Variants in ATXN7L1 observed in about 807,000 individuals in gnomAD.
ATXN7L1 encodes the protein ataxin-7-like protein 1.
Under a neutral mutation model 70.8 loss-of-function variants are expected in ATXN7L1, and 15 were observed. That is an observed-to-expected ratio of 0.21 (90% CI 0.14 to 0.33). The LOEUF (loss-of-function observed/expected upper bound fraction) is 0.33, where lower values mean the gene tolerates loss of function less well. ATXN7L1 is among the 10% of genes least tolerant of loss of function. ATXN7L1 has a pLI of 1.00. For missense variants in ATXN7L1, 975 were observed against 1,097.1 expected (o/e 0.89, Z 1.57); for synonymous variants, 440 against 445.1 (o/e 0.99, Z 0.14).
chr7:105,704,783 G>A (rs376809183), intron 3 of ATXN7L1, among the ~76,000 whole-genome samples: 4 of 151,520 alleles, frequency 2.6e-5, no homozygotes, highest in African/African-American at 9.7e-5. Context: ...GCTAATTTTT[G>A]TATTTTTAGT....
intron 2 of ATXN7L1, among the ~76,000 whole-genome samples, chr7:105,794,073 C>T (rs1805651017): frequency 6.7e-6 from 1 of 149,864 alleles, no homozygotes; most frequent in Non-Finnish European, 1.5e-5. Flanking sequence ...TTGTTCTATT[C>T]ATTTCTTCTT....
chr7:105,722,227 G>A (rs542793158), intron 3 of ATXN7L1, among the ~76,000 whole-genome samples: 250 of 152,240 alleles, frequency 1.6e-3, no homozygotes, highest in Non-Finnish European at 2.9e-3. Flanking sequence ...GTACACGTGC[G>A]TGCCTGTGTG....
At chr7:105,730,748 A>G (rs999338232) in intron 3 of ATXN7L1, among the ~76,000 whole-genome samples, 92 of 152,238 alleles carry the variant, frequency 6.0e-4, no homozygotes, top group Non-Finnish European at 1.9e-4. Context: ...AAAAAGAAAA[A>G]AAAAGAGGCA....
chr7:105,665,097 A>G lies in ATXN7L1; in HGVS notation c.547T>C (p.Phe183Leu), dbSNP rs1280697320. The change falls in exon 4 of 12, where the codon TTT becomes CTT. Residue 183 changes from phenylalanine (F) to leucine (L), a missense_variant. Phe to Leu is a conservative substitution (Grantham distance 22, BLOSUM62 0). Transcript: ENST00000419735. ...TTATCCCTTGATCCTTTCGCAGGAAAGACTGTGTGCTGTTTGCTGCTGGAG... is the reference window on the plus strand; with the variant it reads ...TTATCCCTTGATCCTTTCGCAGGAAGGACTGTGTGCTGTTTGCTGCTGGAG... ...LTSSSKQHTV[F>L]PAKGSRDKPC... 2.6e-6 allele frequency: 4 copies of G among 1,551,418 alleles called. No homozygotes were observed. Among genetic ancestry groups the G allele is most frequent in the Admixed American group, 2.0e-5 (1 of 50,990 alleles).
chr7:105,875,634 C>CCG (rs901807096), intron 2 of ATXN7L1, among the ~76,000 whole-genome samples, 178 bp downstream of exon 2: 2 of 126,144 alleles, frequency 1.6e-5, no homozygotes, highest in Non-Finnish European at 3.5e-5. Context: ...TTTACCCCCC[C>CCG]CCCAGTTGTA....
chr7:105,711,694 T>C (rs192517226), intron 3 of ATXN7L1, among the ~76,000 whole-genome samples: 15 of 152,324 alleles, frequency 9.8e-5, no homozygotes, highest in Admixed American at 7.2e-4. Context: ...CTCTGCAGGG[T>C]ACAACCCCTA....
chr7:105,655,924 T>C (rs1224181699), intron 4 of ATXN7L1, among the ~76,000 whole-genome samples: 1 of 152,258 alleles, frequency 6.6e-6, no homozygotes, highest in East Asian at 1.9e-4. Flanking sequence ...ATTTTTCTTT[T>C]GCTTTGGCTC....
chr7:105,793,259 A>G (rs965712126), intron 2 of ATXN7L1, among the ~76,000 whole-genome samples: 48 of 152,344 alleles, frequency 3.2e-4, no homozygotes, highest in African/African-American at 1.2e-3. Flanking sequence ...CAGAGGGCTC[A>G]TTGCTGAGCC....
chr7:105,681,316 C>T (rs1376192190), intron 3 of ATXN7L1, among the ~76,000 whole-genome samples: 1 of 152,024 alleles, frequency 6.6e-6, no homozygotes, highest in African/African-American at 2.4e-5. Context: ...CTCCAGTCAC[C>T]AGTCATTAGG....
At chr7:105,812,097 GC>G (rs57998298) in intron 2 of ATXN7L1, among the ~76,000 whole-genome samples, 1 of 152,126 alleles carries the variant, frequency 6.6e-6, no homozygotes, top group African/African-American at 2.4e-5. Flanking sequence ...CCCTTCTCAA[GC>G]CCCCCTGGAT....
chr7:105,837,697 G>A (rs1812610681), intron 2 of ATXN7L1, among the ~76,000 whole-genome samples: 1 of 152,174 alleles, frequency 6.6e-6, no homozygotes, highest in Admixed American at 6.5e-5. Flanking sequence ...AGCAGCAAAA[G>A]ACAGCAGGGA....
rs1313101600 is a variant in ATXN7L1, at chr7:105,672,727, G to A, written c.356-7439C>T. ...AGATAGGAGGAATCTGAAAGAGCCA[G>A]CGGGACCTCTCCTTTCCCACTGTCT... On this transcript the variant is annotated intron_variant, in intron 3 of 11. Coordinates refer to ENST00000419735, the MANE Select transcript of ATXN7L1 (RefSeq NM_020725.2). Among the ~76,000 whole-genome samples the A allele has an allele frequency of 2.6e-5, 4 of 152,276 alleles. No homozygotes were observed. In the East Asian group the frequency reaches 7.7e-4, roughly 29 times the overall value.
At chr7:105,608,955 T>C (rs1792920286) in intron 11 of ATXN7L1, among the ~76,000 whole-genome samples, 1 of 152,066 alleles carries the variant, frequency 6.6e-6, no homozygotes, top group African/African-American at 2.4e-5. Context: ...CCCCAATCCT[T>C]CCTGGTCCTC....
chr7:105,732,274 G>T (rs560958859), intron 3 of ATXN7L1, among the ~76,000 whole-genome samples: 1 of 152,064 alleles, frequency 6.6e-6, no homozygotes, highest in African/African-American at 2.4e-5. Context: ...TTCGCTGGGC[G>T]TGGTGGTGCG....
intron 3 of ATXN7L1, among the ~76,000 whole-genome samples, chr7:105,742,384 C>T (rs1031908604): frequency 1.7e-4 from 26 of 152,238 alleles, no homozygotes; most frequent in African/African-American, 6.3e-4. Flanking sequence ...GGCAATAACC[C>T]TTACCTCAAG....
intron 3 of ATXN7L1, chr7:105,761,131 G>A: frequency 8.5e-7 from 1 of 1,178,544 alleles, no homozygotes; most frequent in Non-Finnish European, 1.0e-6. Flanking sequence ...GGAATTGATG[G>A]CAGCTTAGAC....
At chr7:105,875,058 G>T (rs748265583) in intron 2 of ATXN7L1, 1 of 152,576 alleles carries the variant, frequency 6.6e-6, no homozygotes. Context: ...TCCATTTGAA[G>T]CCCATAGGCC....
chr7:105,842,115 C>T (rs1021093725), intron 2 of ATXN7L1, among the ~76,000 whole-genome samples: 1 of 152,118 alleles, frequency 6.6e-6, no homozygotes, highest in African/African-American at 2.4e-5. Flanking sequence ...TGGCCAGTCC[C>T]TCTTCCTGCC....
At chr7:105,685,078 A>ATAATAATAC (rs1806010458) in intron 3 of ATXN7L1, among the ~76,000 whole-genome samples, 1 of 136,396 alleles carries the variant, frequency 7.3e-6, no homozygotes, top group South Asian at 2.7e-4. Flanking sequence ...AATAATAATA[A>ATAATAATAC]TAATAATAAA....
Sources: gnomAD v4.1 joint callset for allele counts (sites outside exome capture counted in the v4.1 genomes callset) on GRCh38, gnomAD v4.1.1 for gene constraint, MANE v1.5 for transcripts, NCBI Gene and HGNC (gene_info 2026-07-23, HGNC 2026-07-21) for gene names.